Variants in ARHGEF4 observed in about 807,000 individuals in gnomAD.
ARHGEF4 encodes the protein APC-stimulated guanine nucleotide exchange factor 1.
A neutral mutation model predicts 162.0 loss-of-function variants in ARHGEF4; 119 were observed. The observed-to-expected ratio is 0.73, with a 90% CI of 0.63 to 0.86. ARHGEF4 has a LOEUF of 0.86. Ranked by LOEUF, ARHGEF4 falls within the 40% of genes least tolerant of loss-of-function variation. The probability of loss-of-function intolerance (pLI) is 0.00; values close to 1 mark genes in which losing one functional copy is unlikely to be tolerated. For missense variants in ARHGEF4, 2,488 were observed against 2,456.0 expected, an observed-to-expected ratio of 1.01 and a Z score of -0.28; for synonymous variants, 1,014 against 979.9, an observed-to-expected ratio of 1.03 and a Z score of -0.65.
chr2:130,843,851 C>G (rs1302630750), intron 1 of ARHGEF4, among the ~76,000 whole-genome samples: 1 of 152,168 alleles, frequency 6.6e-6, no homozygotes, highest in East Asian at 1.9e-4. Flanking sequence ...CCAGGGGGGC[C>G]CTGAATCCAG....
chr2:130,938,059 T>C (rs1683071130), intron 3 of ARHGEF4, among the ~76,000 whole-genome samples: 1 of 152,194 alleles, frequency 6.6e-6, no homozygotes, highest in Admixed American at 6.5e-5. Flanking sequence ...CAGTATTCCG[T>C]GGCCTGGACC....
At chr2:131,011,679 G>T in intron 4 of ARHGEF4, 2 of 1,533,100 alleles carry the variant, frequency 1.3e-6, no homozygotes, top group South Asian at 1.2e-5. Flanking sequence ...TGATGGGGGT[G>T]GGGTAGAGAG....
In ARHGEF4 at chr2:130,917,306, TGGAAGCTACAGCTAC is replaced by T; in HGVS notation, c.3362_3376del (p.Gly1121_Tyr1125del). 1 of 1,550,530 alleles carries T rather than the reference TGGAAGCTACAGCTAC, an allele frequency of 6.4e-7. No individual in the cohort carries two copies. Among genetic ancestry groups the T allele is most frequent in the Non-Finnish European group, 8.7e-7 (1 of 1,146,992 alleles). On this transcript the variant is annotated inframe_deletion, in exon 2 of 14. Coordinates refer to ENST00000409359, the MANE Select transcript of ARHGEF4 (RefSeq NM_001367493.1). ...GTAGCGCCATCTCCATGGTTTCTCT[TGGAAGCTACAGCTAC>T]GTGGACAGCAGTTCAGGGGACCCTG...
At chr2:131,010,805 T>G (rs541247126) in intron 4 of ARHGEF4, among the ~76,000 whole-genome samples, 1 of 152,226 alleles carries the variant, frequency 6.6e-6, no homozygotes, top group East Asian at 1.9e-4. Flanking sequence ...TACTTTGTTG[T>G]GCACTTGGGA....
chr2:130,976,690 A>T (rs556457516), intron 4 of ARHGEF4, among the ~76,000 whole-genome samples: 10 of 152,296 alleles, frequency 6.6e-5, no homozygotes, highest in African/African-American at 1.9e-4. Context: ...GATGTGGTGG[A>T]GAAGGAAAAG....
At chr2:131,008,420 C>T (rs1688260215) in intron 4 of ARHGEF4, among the ~76,000 whole-genome samples, 2 of 151,994 alleles carry the variant, frequency 1.3e-5, no homozygotes, top group Admixed American at 6.5e-5. Flanking sequence ...GATGAATTTT[C>T]ACAAAGTAGA....
intron 1 of ARHGEF4, among the ~76,000 whole-genome samples, chr2:130,839,115 G>C (rs1167194047): frequency 2.0e-5 from 3 of 152,118 alleles, no homozygotes; most frequent in Non-Finnish European, 4.4e-5. Context: ...ACATGGGAGG[G>C]GCTCTGACTG....
At chr2:130,913,047 A>G (rs1307241557) in intron 1 of ARHGEF4, among the ~76,000 whole-genome samples, 6 of 152,180 alleles carry the variant, frequency 3.9e-5, no homozygotes, top group African/African-American at 1.4e-4. Context: ...GAAACAATAT[A>G]TATAGGGTTC....
At chr2:131,036,645 C>T (rs1443733986) in intron 5 of ARHGEF4, among the ~76,000 whole-genome samples, 6 of 152,190 alleles carry the variant, frequency 3.9e-5, no homozygotes, top group Admixed American at 2.0e-4. Flanking sequence ...GGAATGGGGG[C>T]ACCAGGCTTC....
chr2:131,041,049 CCT>C (rs562028784), intron 8 of ARHGEF4, among the ~76,000 whole-genome samples, 179 bp from the exon 9 acceptor site: 68 of 152,302 alleles, frequency 4.5e-4, no homozygotes, highest in African/African-American at 1.5e-3. Context: ...CATTCCCACC[CCT>C]GTGTGTGACT....
At position 131,043,545 on chromosome 2, in the gene ARHGEF4, T is replaced by A; in HGVS notation, c.5119T>A (p.Phe1707Ile). 2 of 1,614,070 alleles carry A rather than the reference T, an allele frequency of 1.2e-6. No homozygotes were observed. The highest frequency in any genetic ancestry group is 1.7e-6 in the Non-Finnish European group (2 of 1,180,012). The part of the protein sequence containing the change: ...QPQAKSQQRM[F>I]FLFDHQLIYC... ...TCAAGCCAAAAGCCAGCAGCGAATG[T>A]TCTTTCTCTTTGACCACCAGCTCAT... The change falls in exon 11 of 14, where the codon TTC (phenylalanine) becomes ATC (isoleucine). Residue 1707 changes from phenylalanine (F) to isoleucine (I), a missense_variant. Coordinates refer to ENST00000409359, the MANE Select transcript of ARHGEF4 (RefSeq NM_001367493.1).
At chr2:130,881,413 G>A (rs899641966) in intron 1 of ARHGEF4, among the ~76,000 whole-genome samples, 3 of 152,142 alleles carry the variant, frequency 2.0e-5, no homozygotes, top group Non-Finnish European at 4.4e-5. Flanking sequence ...GATTAGTGTT[G>A]GGGGAGAGAT....
At chr2:130,905,081 A>G (rs536254840) in intron 1 of ARHGEF4, among the ~76,000 whole-genome samples, 1 of 148,842 alleles carries the variant, frequency 6.7e-6, no homozygotes, top group South Asian at 2.2e-4. Context: ...TCTGTCTCAG[A>G]CAAACAAACA....
intron 4 of ARHGEF4, among the ~76,000 whole-genome samples, chr2:130,957,980 A>G (rs1684393624): frequency 6.6e-6 from 1 of 151,880 alleles, no homozygotes; most frequent in African/African-American, 2.4e-5. Flanking sequence ...TTTTAATGGT[A>G]TGTAATTTAT....
In ARHGEF4 at chr2:130,904,969, T is replaced by C. The variant is rs948746554; in HGVS notation, c.40-9017T>C. Among the ~76,000 whole-genome samples the C allele has an allele frequency of 1.5e-4, 23 of 152,228 alleles. No homozygotes were observed. The East Asian group carries it at 3.9e-3, about 26-fold the overall frequency. On this transcript the variant is annotated intron_variant, in intron 1 of 13. Coordinates refer to ENST00000409359, the MANE Select transcript of ARHGEF4 (RefSeq NM_001367493.1). ...TGGCACTTGCCTGTAATCCCAGCTA[T>C]TGGGGAGGCTGAGGCACGAGAATCG...
At chr2:130,873,733 A>G (rs1243002307) in intron 1 of ARHGEF4, among the ~76,000 whole-genome samples, 1 of 151,828 alleles carries the variant, frequency 6.6e-6, no homozygotes. Flanking sequence ...AGCCAGATCG[A>G]GTGATCCTGG....
chr2:130,999,026 G>A (rs1687583000), intron 4 of ARHGEF4, among the ~76,000 whole-genome samples: 1 of 152,034 alleles, frequency 6.6e-6, no homozygotes, highest in Admixed American at 6.5e-5. Context: ...GTGTAGTGGT[G>A]GCTCTTTATT....
intron 4 of ARHGEF4, among the ~76,000 whole-genome samples, chr2:130,992,321 T>G (rs1687064602): frequency 6.6e-6 from 1 of 152,144 alleles, no homozygotes. Flanking sequence ...GCTTTATTCT[T>G]TCGCTCTTTG....
chr2:131,045,948 GC>G (rs776526134), intron 13 of ARHGEF4, 89 bp from the exon 14 acceptor site: 2 of 1,526,550 alleles, frequency 1.3e-6, no homozygotes, highest in East Asian at 4.6e-5. Flanking sequence ...CTGAAGCAGA[GC>G]CCTGGGACGG....
Sources: allele counts gnomAD v4.1 joint callset (sites outside exome capture counted in the v4.1 genomes callset), GRCh38; gene constraint gnomAD v4.1.1; transcripts MANE v1.5; gene names NCBI Gene and HGNC (gene_info 2026-07-23, HGNC 2026-07-21).